The following UBE4B variants were observed in gnomAD, a reference collection of about 807,000 sequenced individuals.
The protein encoded by UBE4B is ubiquitin conjugation factor E4 B.
In UBE4B, 27 loss-of-function variants were observed where a neutral mutation model predicts 148.1. The observed-to-expected ratio is 0.18, with a 90% CI of 0.13 to 0.25. The LOEUF (loss-of-function observed/expected upper bound fraction) is 0.25. UBE4B is among the 10% of genes least tolerant of loss of function. The pLI is 1.00. For missense variants in UBE4B, 1,170 were observed against 1,662.4 expected, an observed-to-expected ratio of 0.70 and a Z score of 5.15; for synonymous variants, 596 against 619.3, an observed-to-expected ratio of 0.96 and a Z score of 0.56.
intron 2 of UBE4B, among the ~76,000 whole-genome samples, chr1:10,095,074 G>T (rs976446702): frequency 1.3e-5 from 2 of 152,052 alleles, no homozygotes; most frequent in Non-Finnish European, 2.9e-5. Context: ...CCACTGCATC[G>T]GCCTGGTTTA....
chr1:10,162,986 C>T (rs1474218420), intron 23 of UBE4B, among the ~76,000 whole-genome samples: 1 of 152,208 alleles, frequency 6.6e-6, no homozygotes, highest in African/African-American at 2.4e-5. Context: ...CTCCTTACTT[C>T]TGTAACACCC....
At chr1:10,121,858 G>A in intron 9 of UBE4B, 104 bp from the exon 10 acceptor site, 3 of 666,270 alleles carry the variant, frequency 4.5e-6, no homozygotes, top group South Asian at 4.6e-5. Context: ...TTTGGGAGAT[G>A]TCAAGTTTGA....
chr1:10,161,087 T>A lies in UBE4B; in HGVS notation c.3054-55T>A, dbSNP rs975609136. The A allele has an allele frequency of 1.3e-5, 21 of 1,587,686 alleles. No homozygotes were observed. The African/African-American group carries it at 1.7e-4, about 13-fold the overall frequency. ...GGTGCTTGTTCCCTGGGATTTGCTG[T>A]GGCATTTTGCTTCAGGGAGATGTAT... On this transcript the variant is annotated intron_variant, in intron 22 of 27. Coordinates refer to ENST00000343090, the MANE Select transcript of UBE4B (RefSeq NM_001105562.3). This position sits in a 1 kb window ranked among gnomAD's most constrained non-coding sequence, Gnocchi z 4.1.
At chr1:10,175,423 G>A (rs921665939) in intron 25 of UBE4B, among the ~76,000 whole-genome samples, 29 of 151,946 alleles carry the variant, frequency 1.9e-4, no homozygotes, top group Admixed American at 2.6e-4. Context: ...AGGCCAAGGC[G>A]GGCGGATCAC....
rs1645609619 is a variant in UBE4B, at chr1:10,132,312, A to G, written c.1912-57A>G. The G allele has an allele frequency of 4.3e-6, 6 of 1,401,974 alleles. No homozygotes were observed. In the South Asian group the frequency reaches 6.1e-5, roughly 14 times the overall value. The allele number at this position is 1,401,974 out of a possible 1,614,324, so 86.8% of individuals were successfully genotyped here. Reference sequence around the variant, plus strand: ...AGGCTAGCTGTTCGTGAAGTCAAAAAGGAATCATGTGCAAAATAGTTTTAA... The same window carrying G: ...AGGCTAGCTGTTCGTGAAGTCAAAAGGGAATCATGTGCAAAATAGTTTTAA... On this transcript the variant is annotated intron_variant, in intron 14 of 27. Transcript: ENST00000343090.
At chr1:10,038,997 T>C (rs1014964790) in intron 1 of UBE4B, among the ~76,000 whole-genome samples, 1 of 151,930 alleles carries the variant, frequency 6.6e-6, no homozygotes, top group African/African-American at 2.4e-5. Flanking sequence ...GAGACAGAGG[T>C]TGCAGTGAGC....
chr1:10,179,198 C>T, intron 26 of UBE4B: 2 of 572,904 alleles, frequency 3.5e-6, no homozygotes, highest in Admixed American at 3.3e-5. Flanking sequence ...TCTGTTCCCT[C>T]CCCCCAGCAG....
intron 2 of UBE4B, among the ~76,000 whole-genome samples, chr1:10,094,940 A>G (rs931997351): frequency 1.3e-5 from 2 of 151,982 alleles, no homozygotes; most frequent in Non-Finnish European, 2.9e-5. Flanking sequence ...ACAGGTGCCC[A>G]GCTAATTTTT....
At chr1:10,144,915 T>C (rs1570973403) in intron 17 of UBE4B, 25 bp from the exon 18 acceptor site, 1 of 1,574,986 alleles carries the variant, frequency 6.3e-7, no homozygotes, top group East Asian at 2.3e-5. Flanking sequence ...TTTTCTTTCA[T>C]TTGACTGTTA....
Position 10,122,129 on chromosome 1 carries a change from C to A in UBE4B, c.1554+53C>A. On this transcript the variant is annotated intron_variant, in intron 10 of 27. Transcript: ENST00000343090. The stretch of plus-strand genomic sequence containing the variant: ...AATTTTAGCCTGAGAGCCTCTATGT[C>A]GAGGCTAATTTCTGACCATTGAAAA... The A allele has an allele frequency of 3.2e-6, 4 of 1,269,692 alleles. No homozygotes were observed. In the South Asian group the frequency reaches 3.9e-5, roughly 12 times the overall value. 78.7% of individuals were successfully genotyped at this position (1,269,692 alleles called of 1,614,324 possible). A position where few individuals can be genotyped will look rare whatever the true frequency, so the allele number is the denominator to read the frequency against.
At chr1:10,162,675 C>G (rs1420104504) in intron 23 of UBE4B, among the ~76,000 whole-genome samples, 1 of 149,078 alleles carries the variant, frequency 6.7e-6, no homozygotes, top group Non-Finnish European at 1.5e-5. Context: ...GGTACATGTG[C>G]AGGTTTGTTA....
chr1:10,112,753 CT>C (rs1473035526), intron 7 of UBE4B, among the ~76,000 whole-genome samples: 1 of 152,218 alleles, frequency 6.6e-6, no homozygotes, highest in Non-Finnish European at 1.5e-5. Flanking sequence ...GAATCTACCT[CT>C]TTCAGTTTGA....
chr1:10,152,853 A>G (rs1182431337), intron 21 of UBE4B, among the ~76,000 whole-genome samples: 1 of 151,914 alleles, frequency 6.6e-6, no homozygotes, highest in Non-Finnish European at 1.5e-5. Context: ...GGAAGTAGCC[A>G]TCTTCTATCC....
intron 1 of UBE4B, among the ~76,000 whole-genome samples, chr1:10,052,183 C>T (rs889725684): frequency 3.3e-5 from 5 of 151,968 alleles, no homozygotes; most frequent in African/African-American, 9.7e-5. Context: ...CCTTCCACCT[C>T]AGCCTCCCGA....
chr1:10,150,909 C>G (rs2101987141), intron 20 of UBE4B, among the ~76,000 whole-genome samples: 1 of 148,204 alleles, frequency 6.7e-6, no homozygotes. Context: ...TGCCTGTAAT[C>G]CCACCATTTT....
intron 2 of UBE4B, among the ~76,000 whole-genome samples, chr1:10,095,235 G>A (rs1007734339): frequency 2.0e-5 from 3 of 152,172 alleles, no homozygotes; most frequent in East Asian, 1.9e-4. Flanking sequence ...ATGTAGCTCT[G>A]TTACTGACCT....
intron 2 of UBE4B, among the ~76,000 whole-genome samples, chr1:10,076,427 A>G (rs1192941791): frequency 6.6e-6 from 1 of 151,918 alleles, no homozygotes. Flanking sequence ...TATTTTTAGT[A>G]GAGATGGGGT....
chr1:10,037,710 A>G (rs1175413926), intron 1 of UBE4B, among the ~76,000 whole-genome samples: 1 of 151,824 alleles, frequency 6.6e-6, no homozygotes, highest in African/African-American at 2.4e-5. Context: ...TCATGCCACC[A>G]CACCTGGCCA....
At chr1:10,097,187 A>C (rs1042250365) in intron 3 of UBE4B, among the ~76,000 whole-genome samples, 21 of 152,138 alleles carry the variant, frequency 1.4e-4, no homozygotes, top group Non-Finnish European at 4.4e-5. Flanking sequence ...GAGCTGAGGA[A>C]ATTACCCAGA....
Sources: allele counts gnomAD v4.1 joint callset (sites outside exome capture counted in the v4.1 genomes callset), GRCh38; gene constraint gnomAD v4.1.1; non-coding constraint Gnocchi (gnomAD v3.1); transcripts MANE v1.5; gene names NCBI Gene and HGNC (gene_info 2026-07-23, HGNC 2026-07-21).